Variants in CCDC3 observed in about 807,000 individuals in gnomAD.
CCDC3 encodes coiled-coil domain containing 3, also known as coiled-coil domain-containing protein 3.
In CCDC3, 24 loss-of-function variants were observed where a neutral mutation model predicts 21.4. The ratio of observed to expected loss-of-function variants is 1.12; its 90% CI spans 0.81 to 1.58. The LOEUF (loss-of-function observed/expected upper bound fraction) is 1.58, where lower values mean the gene tolerates loss of function less well. Ranked by LOEUF, CCDC3 falls within the 40% of genes most tolerant of loss-of-function variation. CCDC3 has a pLI of 0.00. For synonymous variants in CCDC3, 186 were observed against 166.0 expected, an observed-to-expected ratio of 1.12 and a Z score of -0.93; for missense variants, 425 against 360.9, an observed-to-expected ratio of 1.18 and a Z score of -1.44.
At chr10:13,056,403 T>A (rs185639397) in intron 4 of CCDC3, among the ~76,000 whole-genome samples, 7 of 152,284 alleles carry the variant, frequency 4.6e-5, no homozygotes, top group Admixed American at 4.6e-4. Context: ...TCCAGCTGTG[T>A]GCACAGGAAG....
intron 3 of CCDC3, among the ~76,000 whole-genome samples, chr10:13,077,495 A>G (rs1461592959): frequency 6.6e-6 from 1 of 152,248 alleles, no homozygotes; most frequent in Non-Finnish European, 1.5e-5. Context: ...TCTTCACAGA[A>G]TTGGAAAAAA....
intron 2 of CCDC3, among the ~76,000 whole-genome samples, chr10:12,915,024 A>G (rs1834329190): frequency 6.6e-6 from 1 of 152,034 alleles, no homozygotes; most frequent in African/African-American, 2.4e-5. Context: ...AAGTTTTGGT[A>G]TGTTGTGTTT....
chr10:12,931,072 A>G (rs572101890), intron 2 of CCDC3, among the ~76,000 whole-genome samples: 9 of 152,120 alleles, frequency 5.9e-5, no homozygotes, highest in African/African-American at 2.2e-4. Flanking sequence ...TTAGCTGGAC[A>G]TGGTGGCCTG....
chr10:12,998,986 C>A (rs1217014776), intron 1 of CCDC3, among the ~76,000 whole-genome samples: 2 of 152,170 alleles, frequency 1.3e-5, no homozygotes, highest in African/African-American at 4.8e-5. Flanking sequence ...ACACCTGTAA[C>A]CCCAGCACTT....
rs962971034 is a variant in CCDC3, at chr10:13,001,525, G to A, written c.46C>T (p.Pro16Ser). The change falls in exon 1 of 3, where the codon CCA becomes TCA. Residue 16 changes from proline (P) to serine (S), a missense_variant. By Grantham distance (74) the Pro-to-Ser change is moderately conservative. Transcript: ENST00000378825. Reference sequence around the variant, plus strand: ...AGCTGGCAGGCGCGCGCGGGCGCTGGGGGACCCGCCAGGCAGAGCGCGGCG... The same window carrying A: ...AGCTGGCAGGCGCGCGCGGGCGCTGAGGGACCCGCCAGGCAGAGCGCGGCG... ...LLAALCLAGP[P>S]APARACQLPS... The A allele has an allele frequency of 4.6e-6, 6 of 1,315,576 alleles. No homozygotes were observed. Among genetic ancestry groups the A allele is most frequent in the Non-Finnish European group, 4.8e-6 (5 of 1,035,158 alleles). 81.5% of individuals were successfully genotyped at this position (1,315,576 alleles called of 1,614,324 possible). A position where few individuals can be genotyped will look rare whatever the true frequency, so the allele number is the denominator to read the frequency against.
At chr10:13,067,389 AG>A (rs1464223481) in intron 4 of CCDC3, among the ~76,000 whole-genome samples, 2 of 103,752 alleles carry the variant, frequency 1.9e-5, no homozygotes, top group African/African-American at 1.1e-4. Flanking sequence ...TTTAAGTGAG[AG>A]GTTTTTTTTT....
rs543676615 is a variant in CCDC3, at chr10:13,098,298, C to T, written c.-503+227G>A. Among the ~76,000 whole-genome samples, 20 of 152,284 alleles carry T rather than the reference C, an allele frequency of 1.3e-4. 1 individual carries two copies. The South Asian group carries it at 4.1e-3, about 32-fold the overall frequency. ...ACTGATGCTCATTTTAATTCACTTT[C>T]ATAGTGTTGTTTTGTTCTCGTTTTT... is the stretch of plus-strand genomic sequence containing the variant. On this transcript the variant is annotated intron_variant, in intron 3 of 6. Transcript: ENST00000378839.
Position 13,001,284 on chromosome 10 carries a change from C to T in CCDC3, c.287G>A (p.Gly96Asp). Reference sequence around the variant, plus strand: ...CAGGCCGGTGAGGTTGAGCCTGGAGCCGGCGGGCACCTCCAGCATGCTGCC... The same window carrying T: ...CAGGCCGGTGAGGTTGAGCCTGGAGTCGGCGGGCACCTCCAGCATGCTGCC... ...AWGSMLEVPA[G>D]SRLNLTGLGY... The change falls in exon 1 of 3, where the codon GGC becomes GAC. Residue 96 changes from glycine (G) to aspartate (D), a missense_variant. By Grantham distance (94) the Gly-to-Asp change is moderately conservative. Transcript: ENST00000378825. The T allele has an allele frequency of 6.2e-7, 1 of 1,604,106 alleles. No individual in the cohort carries two copies. The highest frequency in any genetic ancestry group is 2.2e-5 in the East Asian group (1 of 44,506).
chr10:12,964,983 A>G (rs1835240543), intron 2 of CCDC3, among the ~76,000 whole-genome samples: 1 of 152,130 alleles, frequency 6.6e-6, no homozygotes, highest in Non-Finnish European at 1.5e-5. Flanking sequence ...CTAAAGACAA[A>G]ACCTCCAAAA....
intron 2 of CCDC3, among the ~76,000 whole-genome samples, chr10:12,912,561 GTGTT>G (rs1834286428): frequency 1.3e-5 from 2 of 151,416 alleles, no homozygotes; most frequent in East Asian, 3.9e-4. Flanking sequence ...CATTTCGTAG[GTGTT>G]TTTTTCACTC....
chr10:12,945,096 A>G (rs10906262), intron 2 of CCDC3, among the ~76,000 whole-genome samples: 67,746 of 152,000 alleles, frequency 0.45, 15,977 homozygotes, highest in African/African-American at 0.57. Context: ...GTTCTGTGTC[A>G]CAATGAAAAA....
chr10:13,079,586 G>A (rs563020316), intron 3 of CCDC3, among the ~76,000 whole-genome samples: 113 of 152,296 alleles, frequency 7.4e-4, no homozygotes, highest in Non-Finnish European at 1.5e-3. Context: ...CCACGGGGTT[G>A]GGGGGAGAAT....
chr10:12,932,402 A>C (rs1834661343), intron 2 of CCDC3, among the ~76,000 whole-genome samples: 1 of 150,162 alleles, frequency 6.7e-6, no homozygotes, highest in African/African-American at 2.4e-5. Flanking sequence ...AAAAGTATAG[A>C]CTATCTCACA....
intron 5 of CCDC3, among the ~76,000 whole-genome samples, chr10:13,022,147 G>C (rs1033325034): frequency 1.3e-5 from 2 of 152,142 alleles, no homozygotes; most frequent in African/African-American, 4.8e-5. Flanking sequence ...TGAGAGTACA[G>C]GAAATTCACT....
chr10:12,993,596 C>T (rs978828032), intron 2 of CCDC3, among the ~76,000 whole-genome samples: 1 of 152,150 alleles, frequency 6.6e-6, no homozygotes, highest in Non-Finnish European at 1.5e-5. Context: ...GACTGTTGCA[C>T]TTGTCCAGCA....
chr10:13,026,139 C>T (rs1361420272), intron 5 of CCDC3, among the ~76,000 whole-genome samples: 1 of 152,174 alleles, frequency 6.6e-6, no homozygotes, highest in Non-Finnish European at 1.5e-5. Context: ...CGAGATCACA[C>T]ACTGTACTCC....
At chr10:13,095,726 G>T (rs1169138514) in intron 3 of CCDC3, among the ~76,000 whole-genome samples, 1 of 152,086 alleles carries the variant, frequency 6.6e-6, no homozygotes, top group Non-Finnish European at 1.5e-5. Context: ...ATAATTATTA[G>T]GTCGTGTTCT....
chr10:13,021,904 T>A (rs1681110650), intron 5 of CCDC3, among the ~76,000 whole-genome samples: 1 of 152,060 alleles, frequency 6.6e-6, no homozygotes. Flanking sequence ...GGATTACAGG[T>A]GCACGCCACC....
rs559270036 is a variant in CCDC3, at chr10:12,958,903, T to C, written c.549+39435A>G. ...CCACCTGTTCCTTGACCACTCACCA[T>C]GGCCAGGGGAGAGACGCAGTTCTAA... On this transcript the variant is annotated intron_variant, in intron 2 of 2. Coordinates refer to ENST00000378825, the MANE Select transcript of CCDC3 (RefSeq NM_031455.4). 1.2e-4 allele frequency among the ~76,000 whole-genome samples: 18 copies of C among 152,302 alleles called. 1 individual carries two copies. The highest frequency in any genetic ancestry group is 3.1e-4 in the African/African-American group (13 of 41,566).
Sources: allele counts gnomAD v4.1 joint callset (sites outside exome capture counted in the v4.1 genomes callset), GRCh38; gene constraint gnomAD v4.1.1; transcripts MANE v1.5; gene names NCBI Gene and HGNC (gene_info 2026-07-23, HGNC 2026-07-21).